Variants in KIF4A observed in about 807,000 individuals in gnomAD.
KIF4A encodes kinesin family member 4A.
KIF4A carries 7 observed loss-of-function variants against 105.9 expected under a neutral mutation model. The ratio of observed to expected loss-of-function variants is 0.07; its 90% CI spans 0.04 to 0.12. KIF4A has a LOEUF of 0.12. KIF4A is among the 10% of genes least tolerant of loss of function. The pLI is 1.00. For synonymous variants in KIF4A, 281 were observed against 331.3 expected (o/e 0.85, Z 1.65); for missense variants, 558 against 929.2 (o/e 0.60, Z 5.19).
At chrX:70,364,516 G>A (rs2086092044) in intron 15 of KIF4A, among the ~76,000 whole-genome samples, 1 of 108,214 alleles carries the variant, frequency 9.2e-6, no homozygotes, top group Non-Finnish European at 1.9e-5. Context: ...CCCATTGCTT[G>A]TTTTTGTCAG....
chrX:70,373,526 A>G (rs779572892), intron 15 of KIF4A, among the ~76,000 whole-genome samples: 553 of 28,503 alleles, frequency 0.019, 91 homozygotes, highest in Non-Finnish European at 0.021. Flanking sequence ...GTGTGTATGT[A>G]TATATATATA....
chrX:70,326,746 T>C (rs1378686545), intron 7 of KIF4A, among the ~76,000 whole-genome samples: 3 of 112,394 alleles, frequency 2.7e-5, no homozygotes, highest in Non-Finnish European at 3.8e-5. Context: ...CCCATCTTTG[T>C]GATATATATT....
At position 70,387,247 on chromosome X, in the gene KIF4A, C is replaced by T. The variant is rs1240274269; in HGVS notation, c.2182C>T (p.Arg728Trp). Residue 728 changes from arginine to tryptophan, a missense_variant, in exon 20 of 31, where the codon CGG (arginine) becomes TGG (tryptophan). By Grantham distance (101) the Arg-to-Trp change is moderately radical. Coordinates refer to ENST00000374403, the MANE Select transcript of KIF4A (RefSeq NM_012310.5). Reference sequence around the variant, plus strand: ...GAAACAACGGGAGGTTGCAGATAAGCGGAAAGAGACTCAGAGCCGTGGAAT... The same window carrying T: ...GAAACAACGGGAGGTTGCAGATAAGTGGAAAGAGACTCAGAGCCGTGGAAT... The part of the protein sequence containing the change: ...LQKQREVADK[R>W]KETQSRGMEG... 4.2e-6 allele frequency: 5 copies of T among 1,188,882 alleles called. No homozygotes were observed. Among genetic ancestry groups the T allele is most frequent in the Middle Eastern group, 2.3e-4 (1 of 4,322 alleles).
intron 13 of KIF4A, among the ~76,000 whole-genome samples, chrX:70,350,385 C>T (rs1375682322): frequency 1.8e-5 from 2 of 111,518 alleles, no homozygotes; most frequent in Non-Finnish European, 3.8e-5. Flanking sequence ...CTCGGCAGGC[C>T]GAGGCAGGAG....
At chrX:70,365,502 A>T (rs2086098177) in intron 15 of KIF4A, among the ~76,000 whole-genome samples, 1 of 111,993 alleles carries the variant, frequency 8.9e-6, no homozygotes, top group African/African-American at 3.2e-5. Flanking sequence ...TGAGATAATC[A>T]TGTGGTTTTT....
chrX:70,294,158 A>T (rs2085771747), intron 3 of KIF4A, among the ~76,000 whole-genome samples: 1 of 112,016 alleles, frequency 8.9e-6, no homozygotes, highest in African/African-American at 3.2e-5. Flanking sequence ...TTAAAAACTA[A>T]GACACAAACA....
At position 70,353,745 on chromosome X, in the gene KIF4A, G is replaced by T. The variant is rs972730854; in HGVS notation, c.1612G>T (p.Ala538Ser). The change falls in exon 15 of 31, where the codon GCC becomes TCC. Residue 538 changes from alanine to serine, a missense_variant. Transcript: ENST00000374403. ...ELNKALALKE[A>S]LARKMTQNDS... ...GAATAAAGCGCTTGCACTGAAAGAG[G>T]CCCTGGCTAGGAAGATGACTCAGAA... 8.3e-7 allele frequency: 1 copy of T among 1,204,665 alleles called. No individual in the cohort carries two copies. The highest frequency in any genetic ancestry group is 1.7e-5 in the African/African-American group (1 of 57,679).
intron 13 of KIF4A, among the ~76,000 whole-genome samples, chrX:70,350,377 C>T (rs930072904): frequency 2.6e-4 from 29 of 111,451 alleles, no homozygotes; most frequent in Non-Finnish European, 3.8e-4. Flanking sequence ...CCCAGGCACT[C>T]GGCAGGCCGA....
chrX:70,404,297 G>A (rs1011118059), intron 24 of KIF4A, among the ~76,000 whole-genome samples: 1 of 111,166 alleles, frequency 9.0e-6, no homozygotes, highest in Admixed American at 9.6e-5. Context: ...GTGGTGGCTC[G>A]TGCCTGTAAT....
At chrX:70,298,342 C>T (rs1026078610) in intron 4 of KIF4A, among the ~76,000 whole-genome samples, 1 of 110,621 alleles carries the variant, frequency 9.0e-6, no homozygotes, top group Non-Finnish European at 1.9e-5. Flanking sequence ...GATCCTCCCA[C>T]CCCACCTCAG....
chrX:70,418,051 T>G (rs989528863), intron 29 of KIF4A, 47 bp downstream of exon 29: 1 of 1,041,590 alleles, frequency 9.6e-7, no homozygotes, highest in Non-Finnish European at 1.3e-6. Context: ...GACCTTCCTC[T>G]AGTTTCCACC....
In KIF4A at chrX:70,372,577, A is replaced by G. The variant is rs370517449; in HGVS notation, c.1675-1574A>G. On this transcript the variant is annotated intron_variant, in intron 15 of 30. Coordinates refer to ENST00000374403, the MANE Select transcript of KIF4A (RefSeq NM_012310.5). ...AGAATCAGGCAGGGAGGTTGCAGTGAGCCAAGATGGCAGCAGTACAGTCCA... is the reference window on the plus strand; with the variant it reads ...AGAATCAGGCAGGGAGGTTGCAGTGGGCCAAGATGGCAGCAGTACAGTCCA... Among the ~76,000 whole-genome samples, 7 of 114,232 alleles carry G rather than the reference A, an allele frequency of 6.1e-5. No individual in the cohort carries two copies. The East Asian group carries it at 1.4e-3, about 22-fold the overall frequency.
intron 28 of KIF4A, among the ~76,000 whole-genome samples, chrX:70,414,655 G>A (rs1408391800): frequency 8.9e-6 from 1 of 112,226 alleles, no homozygotes; most frequent in Admixed American, 9.5e-5. Flanking sequence ...GGGGACTGGG[G>A]AGTAAAAATT....
intron 15 of KIF4A, among the ~76,000 whole-genome samples, chrX:70,356,184 G>A (rs1371763961): frequency 9.0e-6 from 1 of 110,612 alleles, no homozygotes; most frequent in Non-Finnish European, 1.9e-5. Context: ...GGAGGCTGAG[G>A]TGGGAGGATC....
At chrX:70,323,383 C>T (rs2085899087) in intron 7 of KIF4A, among the ~76,000 whole-genome samples, 1 of 111,219 alleles carries the variant, frequency 9.0e-6, no homozygotes, top group African/African-American at 3.3e-5. Flanking sequence ...TCATATTCCT[C>T]TTTGAATCCC....
intron 10 of KIF4A, 119 bp downstream of exon 10, chrX:70,333,808 C>A: frequency 2.0e-6 from 1 of 500,632 alleles, no homozygotes; most frequent in East Asian, 3.7e-5. Context: ...ACCAATTTTG[C>A]TGACTATTTA....
In KIF4A at chrX:70,399,961, A is replaced by C. The variant is rs2086274395; in HGVS notation, c.2490-2605A>C. On this transcript the variant is annotated intron_variant, in intron 22 of 30. Coordinates refer to ENST00000374403, the MANE Select transcript of KIF4A (RefSeq NM_012310.5). Reference sequence around the variant, plus strand: ...TTAAAGTATAATAATAATAAAATAAAAACAACAACAACAACAACAAAGTTT... The same window carrying C: ...TTAAAGTATAATAATAATAAAATAACAACAACAACAACAACAACAAAGTTT... Among the ~76,000 whole-genome samples the C allele has an allele frequency of 2.8e-5, 3 of 105,288 alleles. No homozygotes were observed. The Admixed American group carries it at 3.1e-4, about 11-fold the overall frequency. 91.4% of individuals were successfully genotyped at this position (105,288 alleles called of 115,157 possible).
At chrX:70,337,717 C>A (rs928719449) in intron 10 of KIF4A, among the ~76,000 whole-genome samples, 2 of 111,587 alleles carry the variant, frequency 1.8e-5, no homozygotes, top group African/African-American at 3.3e-5. Flanking sequence ...GCAACAACAA[C>A]AAAAAAACTA....
intron 7 of KIF4A, among the ~76,000 whole-genome samples, chrX:70,324,120 G>A (rs1274330491): frequency 9.0e-6 from 1 of 111,608 alleles, no homozygotes; most frequent in East Asian, 2.8e-4. Flanking sequence ...CACCATACCC[G>A]ACCAATATTT....
Sources: gnomAD v4.1 joint callset for allele counts (sites outside exome capture counted in the v4.1 genomes callset) on GRCh38, gnomAD v4.1.1 for gene constraint, MANE v1.5 for transcripts, NCBI Gene and HGNC (gene_info 2026-07-23, HGNC 2026-07-21) for gene names.